The following TMEM114 variants were observed in gnomAD, a reference collection of about 807,000 sequenced individuals.
The protein encoded by TMEM114 is transmembrane protein 114.
In TMEM114, 6 loss-of-function variants were observed where a neutral mutation model predicts 6.2. The ratio of observed to expected loss-of-function variants is 0.97; its 90% confidence interval spans 0.53 to 1.91. The LOEUF (loss-of-function observed/expected upper bound fraction) is 1.91. Ranked by LOEUF, TMEM114 falls within the 40% of genes most tolerant of loss-of-function variation. The pLI is 0.01. For missense variants in TMEM114, 218 were observed against 158.3 expected (o/e 1.38, Z -2.02); for synonymous variants, 104 against 73.0 (o/e 1.42, Z -2.16).
chr16:8,581,927 A>G (rs1445200065), intron 2 of TMEM114, among the ~76,000 whole-genome samples: 2 of 152,138 alleles, frequency 1.3e-5, no homozygotes, highest in Non-Finnish European at 2.9e-5. Flanking sequence ...TGCATAAATC[A>G]CACTGAGAGT....
intron 2 of TMEM114, among the ~76,000 whole-genome samples, chr16:8,561,012 C>A (rs929499201): frequency 6.6e-6 from 1 of 152,170 alleles, no homozygotes; most frequent in Non-Finnish European, 1.5e-5. Context: ...AAGAGGGAAA[C>A]CTCTTAAAAA....
At chr16:8,569,311 A>G (rs1192089579), downstream of TMEM114, among the ~76,000 whole-genome samples, 1 of 152,156 alleles carries the variant, frequency 6.6e-6, no homozygotes, top group African/African-American at 2.4e-5. Context: ...GTCATGCCAG[A>G]GTTATTTTAG....
chr16:8,531,888 A>T, the TMEM114 span: 3 of 152,212 alleles, frequency 2.0e-5, no homozygotes, highest in Non-Finnish European at 2.9e-5. Context: ...AATGAGGAAC[A>T]TTCCCTTGGC....
downstream of TMEM114, among the ~76,000 whole-genome samples, chr16:8,532,749 C>G (rs955198514): frequency 6.6e-6 from 1 of 151,978 alleles, no homozygotes; most frequent in East Asian, 1.9e-4. Context: ...ATGGTGAAAC[C>G]CCGTCTCTAC....
intron 2 of TMEM114, among the ~76,000 whole-genome samples, chr16:8,562,016 ATGTG>A (rs1266004614): frequency 7.0e-6 from 1 of 142,648 alleles, no homozygotes; most frequent in Non-Finnish European, 1.5e-5. Flanking sequence ...GAGTGACTGA[ATGTG>A]TGAGTGAATG....
chr16:8,545,390 C>G (rs1900633414), intron 2 of TMEM114, among the ~76,000 whole-genome samples: 1 of 152,032 alleles, frequency 6.6e-6, no homozygotes, highest in Non-Finnish European at 1.5e-5. Flanking sequence ...GAGCTGTAAT[C>G]ATACCACTGC....
intron 2 of TMEM114, among the ~76,000 whole-genome samples, chr16:8,583,852 T>C (rs1346096631): frequency 6.6e-6 from 1 of 152,092 alleles, no homozygotes; most frequent in African/African-American, 2.4e-5. Flanking sequence ...GACAGCACCT[T>C]GAGCTGCCTG....
intron 2 of TMEM114, 63 bp from the exon 3 acceptor site, chr16:8,572,287 C>T: frequency 6.5e-7 from 1 of 1,539,702 alleles, no homozygotes; most frequent in Non-Finnish European, 8.8e-7. Context: ...ATTCAATCAA[C>T]AAACACTTCC....
At chr16:8,580,050 G>A (rs1902081470) in intron 2 of TMEM114, among the ~76,000 whole-genome samples, 1 of 152,122 alleles carries the variant, frequency 6.6e-6, no homozygotes, top group Non-Finnish European at 1.5e-5. Flanking sequence ...GACACCCAAA[G>A]TAGCAATACC....
intron 2 of TMEM114, among the ~76,000 whole-genome samples, chr16:8,549,477 G>A (rs1275440932): frequency 1.4e-5 from 2 of 139,652 alleles, no homozygotes; most frequent in African/African-American, 5.5e-5. Context: ...TCAAGCCTGG[G>A]CAACAAGAGC....
downstream of TMEM114, among the ~76,000 whole-genome samples, chr16:8,564,647 AAATGAGTGAGTGAGGGAGGGAGGG>A (rs1901459028): frequency 1.2e-5 from 1 of 81,366 alleles, no homozygotes. Flanking sequence ...ATGAGTGAGT[AAATGAGTGAGTGAGGGAGGGAGGG>A]AATGAGTGAA....
intron 2 of TMEM114, among the ~76,000 whole-genome samples, chr16:8,549,181 CAAAAAAAAAAA>C (rs1216258524): frequency 6.1e-5 from 3 of 49,312 alleles, no homozygotes; most frequent in African/African-American, 1.7e-4. Flanking sequence ...GACTCCATCT[CAAAAAAAAAAA>C]AAAAAAAAAA....
chr16:8,551,034 A>T (rs149981358), intron 2 of TMEM114, among the ~76,000 whole-genome samples: 2 of 152,356 alleles, frequency 1.3e-5, no homozygotes, highest in African/African-American at 4.8e-5. Flanking sequence ...CAAAGGTGAC[A>T]GAGGTCTCCC....
At chr16:8,587,727 A>C (rs1464337665) in intron 2 of TMEM114, among the ~76,000 whole-genome samples, 1 of 152,186 alleles carries the variant, frequency 6.6e-6, no homozygotes, top group Admixed American at 6.5e-5. Context: ...CTATAATCTC[A>C]GCACTTTTGA....
intron 2 of TMEM114, among the ~76,000 whole-genome samples, chr16:8,540,003 A>G (rs758229284): frequency 1.3e-5 from 2 of 151,946 alleles, no homozygotes; most frequent in Non-Finnish European, 1.5e-5. Context: ...TTTTTAGTAG[A>G]GATGGGGTTT....
chr16:8,547,656 G>T (rs960150752), intron 2 of TMEM114, among the ~76,000 whole-genome samples: 2 of 152,108 alleles, frequency 1.3e-5, no homozygotes, highest in African/African-American at 4.8e-5. Context: ...CTCCCAAAGT[G>T]CTGGGATTAC....
intron 3 of TMEM114, among the ~76,000 whole-genome samples, chr16:8,570,688 T>C (rs1241912251): frequency 6.6e-6 from 1 of 152,092 alleles, no homozygotes. Context: ...CATGCTCCTG[T>C]TGGTTTTGCT....
chr16:8,534,408 C>A (rs1900297365), downstream of TMEM114, among the ~76,000 whole-genome samples: 1 of 151,536 alleles, frequency 6.6e-6, no homozygotes, highest in Non-Finnish European at 1.5e-5. Context: ...CATACTCCTA[C>A]AGGGATAATG....
chr16:8,557,263 T>C (rs144273675), intron 2 of TMEM114, among the ~76,000 whole-genome samples: 251 of 152,228 alleles, frequency 1.6e-3, no homozygotes, highest in African/African-American at 5.6e-3. Flanking sequence ...GTAACACAAC[T>C]TCCACCTTGC....
Sources: allele counts gnomAD v4.1 joint callset (sites outside exome capture counted in the v4.1 genomes callset), GRCh38; gene constraint gnomAD v4.1.1; transcripts MANE v1.5; gene names NCBI Gene and HGNC (gene_info 2026-07-23, HGNC 2026-07-21).